PRKN: variants seen among roughly 807,000 people sequenced by gnomAD.
PRKN encodes E3 ubiquitin-protein ligase parkin.
A neutral mutation model predicts 59.5 loss-of-function variants in PRKN; 56 were observed. The observed-to-expected ratio is 0.94, with a 90% CI of 0.76 to 1.18. The LOEUF is 1.18. Among genes scored for constraint, PRKN ranks in the 50% most tolerant of loss-of-function variants. PRKN has a pLI of 0.00. For synonymous variants in PRKN, 250 were observed against 222.1 expected (o/e 1.13, Z -1.12); for missense variants, 657 against 596.4 (o/e 1.10, Z -1.06).
chr6:161,877,968 G>A (rs1794798388), intron 6 of PRKN, among the ~76,000 whole-genome samples: 1 of 152,024 alleles, frequency 6.6e-6, no homozygotes, highest in African/African-American at 2.4e-5. Flanking sequence ...TATGCAAAAG[G>A]GATGTGATAA....
At chr6:162,033,210 A>G (rs919351872) in intron 5 of PRKN, among the ~76,000 whole-genome samples, 1 of 152,264 alleles carries the variant, frequency 6.6e-6, no homozygotes, top group Admixed American at 6.5e-5. Context: ...TTTACATTAC[A>G]GAAATATGAC....
rs1781201180 is a variant in PRKN at position 161,578,070 on chromosome 6, G to A, written c.872-8654C>T. Among the ~76,000 whole-genome samples, 1 of 152,042 alleles carries A rather than the reference G, an allele frequency of 6.6e-6. No individual in the cohort carries two copies. The highest frequency in any genetic ancestry group is 6.6e-5 in the Admixed American group (1 of 15,250). On this transcript the variant is annotated intron_variant, in intron 7 of 11. Coordinates refer to ENST00000366898, the MANE Select transcript of PRKN (RefSeq NM_004562.3). The surrounding 1 kb of genome is among the most constrained non-coding windows in gnomAD (Gnocchi z 4.2). ...TTCCTGGAGCTTGCAGAAGAAATAAGACGCACACCAACAAACCAAGTAGAT... is the reference window on the plus strand; with the variant it reads ...TTCCTGGAGCTTGCAGAAGAAATAAAACGCACACCAACAAACCAAGTAGAT...
intron 4 of PRKN, among the ~76,000 whole-genome samples, chr6:162,150,006 C>T (rs1372078336): frequency 6.6e-6 from 1 of 152,156 alleles, no homozygotes; most frequent in African/African-American, 2.4e-5. Context: ...CTCTAAATCC[C>T]CAACCTAGAG....
chr6:162,080,210 T>C (rs1779000546), intron 4 of PRKN, among the ~76,000 whole-genome samples: 1 of 152,128 alleles, frequency 6.6e-6, no homozygotes, highest in South Asian at 2.1e-4. Context: ...GTACCTAAGT[T>C]CAAGATTCAT....
intron 1 of PRKN, among the ~76,000 whole-genome samples, chr6:162,469,985 G>C (rs1470446437): frequency 1.3e-5 from 2 of 152,160 alleles, no homozygotes; most frequent in Admixed American, 1.3e-4. Context: ...TAGTAAACCT[G>C]TTTTACACGA....
intron 7 of PRKN, among the ~76,000 whole-genome samples, chr6:161,645,853 AG>A (rs1462000595): frequency 1.3e-5 from 2 of 152,280 alleles, no homozygotes; most frequent in Non-Finnish European, 2.9e-5. Flanking sequence ...AAGGGAAATA[AG>A]TTAGAAAAGG....
rs1186183170 is a variant in PRKN, at chr6:161,503,851, T to C, written c.1083+45003A>G. Reference sequence around the variant, plus strand: ...CTTCCCCCAGGAATCCACAGGCTTCTATTCTGATAATGATGATTATATCAC... The same window carrying C: ...CTTCCCCCAGGAATCCACAGGCTTCCATTCTGATAATGATGATTATATCAC... On this transcript the variant is annotated intron_variant, in intron 9 of 11. Coordinates refer to ENST00000366898, the MANE Select transcript of PRKN (RefSeq NM_004562.3). This position sits in a 1 kb window ranked among gnomAD's most constrained non-coding sequence, Gnocchi z 5.1. Among the ~76,000 whole-genome samples the C allele has an allele frequency of 1.3e-5, 2 of 152,214 alleles. No homozygotes were observed. Among genetic ancestry groups the C allele is most frequent in the Non-Finnish European group, 2.9e-5 (2 of 68,038 alleles).
At chr6:161,981,696 C>T (rs1160739604) in intron 5 of PRKN, among the ~76,000 whole-genome samples, 1 of 152,194 alleles carries the variant, frequency 6.6e-6, no homozygotes, top group African/African-American at 2.4e-5. Context: ...CTGGGTATTA[C>T]ATAAACCCAG....
intron 2 of PRKN, among the ~76,000 whole-genome samples, chr6:162,306,376 C>T (rs138136015): frequency 5.6e-4 from 85 of 152,276 alleles, no homozygotes; most frequent in African/African-American, 1.9e-3. Flanking sequence ...GTGTTAACCC[C>T]TATGGGGCAA....
chr6:161,905,490 C>T (rs1562380691), intron 6 of PRKN, among the ~76,000 whole-genome samples: 4 of 152,142 alleles, frequency 2.6e-5, no homozygotes, highest in Admixed American at 6.6e-5. Context: ...AGAAGCAACA[C>T]AGGGATTCCC....
intron 6 of PRKN, among the ~76,000 whole-genome samples, chr6:161,957,977 G>T (rs1780244633): frequency 6.6e-6 from 1 of 152,120 alleles, no homozygotes; most frequent in South Asian, 2.1e-4. Flanking sequence ...AATCATTTCA[G>T]ATTAATCTTA....
intron 2 of PRKN, among the ~76,000 whole-genome samples, chr6:162,441,886 G>T (rs1400380499): frequency 1.3e-5 from 2 of 152,120 alleles, no homozygotes; most frequent in African/African-American, 4.8e-5. Context: ...GAACCTGAAG[G>T]TTTTGGCAAT....
rs909722342 is a variant in PRKN at position 161,410,192 on chromosome 6, T to G, written c.1084-23315A>C. Among the ~76,000 whole-genome samples the G allele has an allele frequency of 6.6e-6, 1 of 151,970 alleles. No homozygotes were observed. Among genetic ancestry groups the G allele is most frequent in the Non-Finnish European group, 1.5e-5 (1 of 67,952 alleles). On this transcript the variant is annotated intron_variant, in intron 9 of 11. Coordinates refer to ENST00000366898, the MANE Select transcript of PRKN (RefSeq NM_004562.3). This position sits in a 1 kb window ranked among gnomAD's most constrained non-coding sequence, Gnocchi z 5.3. ...TGGCAGGGGGCCTGGGGCAGGTGGG[T>G]GGCCAGGAATCTGAAGGAGAGTGAA...
At chr6:162,511,246 T>C (rs1489862660) in intron 1 of PRKN, among the ~76,000 whole-genome samples, 5 of 152,160 alleles carry the variant, frequency 3.3e-5, no homozygotes, top group African/African-American at 1.2e-4. Context: ...TCTTTGGTAT[T>C]ACTTACTAAT....
intron 9 of PRKN, among the ~76,000 whole-genome samples, chr6:161,537,675 T>C (rs1190897309): frequency 1.3e-5 from 2 of 152,108 alleles, no homozygotes; most frequent in Admixed American, 6.5e-5. Context: ...ATGGTCTCGA[T>C]CTCCTGACCT....
rs75358844 is a variant in PRKN, at chr6:162,031,265, G to A, written c.618+22826C>T. Among the ~76,000 whole-genome samples the A allele has an allele frequency of 6.0e-3, 913 of 151,618 alleles. 8 individuals are homozygous for A. Among genetic ancestry groups the A allele is most frequent in the African/African-American group, 0.021 (856 of 41,298 alleles). ...TTTTTTTTTTTAATGATAACAAATG[G>A]TGACAAGAATATATGTTATCATTCA... On this transcript the variant is annotated intron_variant, in intron 5 of 11. Transcript: ENST00000366898.
chr6:162,448,358 A>G (rs1790422310), intron 1 of PRKN, among the ~76,000 whole-genome samples: 1 of 152,108 alleles, frequency 6.6e-6, no homozygotes, highest in Non-Finnish European at 1.5e-5. Flanking sequence ...TTTTCTATAT[A>G]GAAATTTTCA....
intron 7 of PRKN, among the ~76,000 whole-genome samples, chr6:161,680,755 ATATATATATATATATATATATTTT>A (rs1232089452): frequency 0.074 from 1,328 of 18,052 alleles, 62 homozygotes; most frequent in East Asian, 0.13. Flanking sequence ...ATATATATAT[ATATATATATATATATATATATTTT>A]TTTTTTTTTT....
chr6:161,708,407 T>C (rs1465674745), intron 7 of PRKN, among the ~76,000 whole-genome samples: 4 of 151,298 alleles, frequency 2.6e-5, no homozygotes, highest in African/African-American at 4.9e-5. Flanking sequence ...ATTTTACCAC[T>C]GCCCCAATTA....
Sources: allele counts gnomAD v4.1 joint callset (sites outside exome capture counted in the v4.1 genomes callset), GRCh38; gene constraint gnomAD v4.1.1; non-coding constraint Gnocchi (gnomAD v3.1); transcripts MANE v1.5; gene names NCBI Gene and HGNC (gene_info 2026-07-23, HGNC 2026-07-21).